PCGF5: variants seen among roughly 807,000 people sequenced by gnomAD.
The protein encoded by PCGF5 is polycomb group RING finger protein 5.
In PCGF5, 9 loss-of-function variants were observed where a neutral mutation model predicts 44.3. That is an observed-to-expected ratio of 0.20 (90% CI 0.12 to 0.35). PCGF5 has a LOEUF of 0.35. Ranked by LOEUF, PCGF5 falls within the 10% of genes least tolerant of loss-of-function variation. PCGF5 has a pLI of 1.00. For synonymous variants in PCGF5, 95 were observed against 102.5 expected (o/e 0.93, Z 0.44); for missense variants, 146 against 305.3 (o/e 0.48, Z 3.89).
chr10:91,182,499 C>G (rs1843840239), intron 1 of PCGF5, among the ~76,000 whole-genome samples: 1 of 151,946 alleles, frequency 6.6e-6, no homozygotes, highest in Non-Finnish European at 1.5e-5. Flanking sequence ...AAAGCAAGCT[C>G]CTGGATTCAT....
chr10:91,195,472 A>G (rs987332772), intron 1 of PCGF5, among the ~76,000 whole-genome samples: 3 of 51,286 alleles, frequency 5.8e-5, no homozygotes, highest in Middle Eastern at 0.026. Context: ...ATATGCATGC[A>G]TATATATATA....
chr10:91,232,499 G>T (rs1845036853), intron 2 of PCGF5, among the ~76,000 whole-genome samples: 1 of 152,096 alleles, frequency 6.6e-6, no homozygotes. Flanking sequence ...GGTTTTAGGG[G>T]GTTCTTTTTG....
At chr10:91,203,444 ATAACCCCAAAGGTTATAGTTT>A (rs1376274517) in intron 1 of PCGF5, among the ~76,000 whole-genome samples, 1 of 152,198 alleles carries the variant, frequency 6.6e-6, no homozygotes, top group African/African-American at 2.4e-5. Flanking sequence ...GATAAAGAAG[ATAACCCCAAAGGTTATAGTTT>A]TATTGCCCTA....
rs552999592 is a variant in PCGF5 at position 91,281,910 on chromosome 10, T to A, written c.*3594T>A. ...AGGTAAACACAACAAATAGCCTTCC[T>A]CTGCATGAAAAGTGAGAGAAATACA... On this transcript the variant is annotated 3_prime_UTR_variant, in exon 10 of 10. Transcript: ENST00000336126. 5.1e-4 allele frequency: 78 copies of A among 152,312 alleles called. No individual in the cohort carries two copies. The highest frequency in any genetic ancestry group is 1.8e-3 in the African/African-American group (73 of 41,580). The allele number at this position is 152,312 out of a possible 1,614,324, so 9.4% of individuals were successfully genotyped here.
intron 7 of PCGF5, among the ~76,000 whole-genome samples, chr10:91,263,229 C>T (rs1845968543): frequency 6.6e-6 from 1 of 152,152 alleles, no homozygotes; most frequent in South Asian, 2.1e-4. Flanking sequence ...TGTTAAACGA[C>T]ATTAACAGAT....
At position 91,237,641 on chromosome 10, in the gene PCGF5, G is replaced by A. The variant is rs188276841; in HGVS notation, c.113-2843G>A. ...CACCTGTAATCCCAGCTACTAGGGA[G>A]GCTGAGGCAGGAGAATCACTTGAAC... On this transcript the variant is annotated intron_variant, in intron 2 of 9. Transcript: ENST00000336126. Among the ~76,000 whole-genome samples, 373 of 152,194 alleles carry A rather than the reference G, an allele frequency of 2.5e-3. 1 individual carries two copies. The highest frequency in any genetic ancestry group is 8.6e-3 in the African/African-American group (359 of 41,504).
intron 1 of PCGF5, among the ~76,000 whole-genome samples, chr10:91,202,564 TTAA>T (rs1275008007): frequency 6.6e-6 from 1 of 152,204 alleles, no homozygotes; most frequent in Non-Finnish European, 1.5e-5. Flanking sequence ...ATCGTTACTG[TTAA>T]TTATTAAGAG....
intron 1 of PCGF5, among the ~76,000 whole-genome samples, chr10:91,221,277 A>T (rs565620698): frequency 6.3e-4 from 95 of 151,954 alleles, no homozygotes; most frequent in Non-Finnish European, 1.2e-3. Context: ...TCTTAGTACC[A>T]CCCCAGGTCG....
chr10:91,217,126 T>C (rs11186503), upstream of PCGF5, among the ~76,000 whole-genome samples: 25 of 152,158 alleles, frequency 1.6e-4, no homozygotes, highest in East Asian at 4.1e-3. Flanking sequence ...TTCCACCTCC[T>C]GGGTTCACGC....
intron 2 of PCGF5, among the ~76,000 whole-genome samples, chr10:91,236,796 A>G (rs1845178022): frequency 6.6e-6 from 1 of 152,148 alleles, no homozygotes; most frequent in African/African-American, 2.4e-5. Flanking sequence ...CTCAGGTTCT[A>G]ATTTATGTAA....
At chr10:91,157,327 A>G in the PCGF5 span, among the ~76,000 whole-genome samples, 1 of 152,248 alleles carries the variant, frequency 6.6e-6, no homozygotes, top group Admixed American at 6.5e-5. Context: ...AGTTATTACT[A>G]TATATTTCAG....
chr10:91,267,626 G>C (rs189027099), intron 8 of PCGF5, among the ~76,000 whole-genome samples: 10 of 151,846 alleles, frequency 6.6e-5, no homozygotes, highest in African/African-American at 2.4e-4. Flanking sequence ...TTCAATTTTT[G>C]TTCAACTTCC....
rs767914226 is a variant in PCGF5, at chr10:91,278,239, T to A, written c.724-30T>A. 1.2e-5 allele frequency: 19 copies of A among 1,534,650 alleles called. No homozygotes were observed. In the South Asian group the frequency reaches 1.8e-4, roughly 14 times the overall value. ...CTGTATTGTTTTTATCCAAATACAG[T>A]CTTATTTATTATCTGTCTTTATTTT... On this transcript the variant is annotated intron_variant, in intron 9 of 9. Coordinates refer to ENST00000336126, the MANE Select transcript of PCGF5 (RefSeq NM_032373.5).
chr10:91,251,431 T>C lies in PCGF5; in HGVS notation c.465T>C (p.Asn155=), dbSNP rs746372818. Residue 155 remains asparagine, a synonymous_variant, in exon 6 of 10, where the codon AAT becomes AAC. Transcript: ENST00000336126. ...CLRNNGQSGD[N]VVKGLMKKFI... ...GAAATAATGGGCAATCAGGGGACAA[T>C]GTAGTAAAGGTGAGTGAACAAGTAC... 1.2e-6 allele frequency: 2 copies of C among 1,610,898 alleles called. No individual in the cohort carries two copies. Among genetic ancestry groups the C allele is most frequent in the East Asian group, 4.5e-5 (2 of 44,702 alleles).
At chr10:91,162,382 C>G (rs1843401335), upstream of PCGF5, among the ~76,000 whole-genome samples, 1 of 151,898 alleles carries the variant, frequency 6.6e-6, no homozygotes, top group Non-Finnish European at 1.5e-5. Flanking sequence ...TGCGAGCTCT[C>G]GGGTGGAGGG....
At chr10:91,164,111 TACAC>T (rs1477160292) in intron 1 of PCGF5, among the ~76,000 whole-genome samples, 1 of 151,504 alleles carries the variant, frequency 6.6e-6, no homozygotes, top group African/African-American at 2.4e-5. Flanking sequence ...TCATGCGGGG[TACAC>T]ACACGCGCGC....
chr10:91,264,403 AATAG>A (rs769182613), intron 7 of PCGF5, 24 bp from the exon 8 acceptor site: 4 of 1,476,924 alleles, frequency 2.7e-6, no homozygotes, highest in Non-Finnish European at 9.2e-7. Context: ...ACATTATGTT[AATAG>A]ATCTATAATG....
chr10:91,258,372 C>A (rs1007910531), intron 6 of PCGF5, among the ~76,000 whole-genome samples: 2 of 152,058 alleles, frequency 1.3e-5, no homozygotes, highest in African/African-American at 4.8e-5. Context: ...GGTTGAGTAT[C>A]CCTTATCCAA....
intron 2 of PCGF5, among the ~76,000 whole-genome samples, chr10:91,225,815 G>A (rs917283648): frequency 2.0e-5 from 3 of 152,058 alleles, no homozygotes; most frequent in African/African-American, 7.2e-5. Flanking sequence ...AACATAAATT[G>A]TACTGCAAAG....
Sources: gnomAD v4.1 joint callset for allele counts (sites outside exome capture counted in the v4.1 genomes callset) on GRCh38, gnomAD v4.1.1 for gene constraint, MANE v1.5 for transcripts, NCBI Gene and HGNC (gene_info 2026-07-23, HGNC 2026-07-21) for gene names.